The following HIP1R variants were observed in gnomAD, a reference collection of about 807,000 sequenced individuals.
The protein encoded by HIP1R is huntingtin interacting protein 1 related.
Under a neutral mutation model 144.2 loss-of-function variants are expected in HIP1R, and 135 were observed. The ratio of observed to expected loss-of-function variants is 0.94; its 90% CI spans 0.81 to 1.08. The LOEUF is 1.08. HIP1R is among the 50% of genes least tolerant of loss of function. The probability of loss-of-function intolerance (pLI) is 0.00; values close to 1 mark genes in which losing one functional copy is unlikely to be tolerated. For synonymous variants in HIP1R, 698 were observed against 612.8 expected (o/e 1.14, Z -2.05); for missense variants, 1,462 against 1,432.8 (o/e 1.02, Z -0.33).
intron 1 of HIP1R, among the ~76,000 whole-genome samples, chr12:122,839,177 T>C (rs973055953): frequency 2.0e-5 from 3 of 152,222 alleles, no homozygotes; most frequent in African/African-American, 7.2e-5. Flanking sequence ...CTTTGAAGCA[T>C]ATCATGAAGA....
At position 122,835,473 on chromosome 12, in the gene HIP1R, G is replaced by C; in HGVS notation, c.-78G>C. The C allele has an allele frequency of 1.7e-6, 2 of 1,190,930 alleles. No homozygotes were observed. Among genetic ancestry groups the C allele is most frequent in the Non-Finnish European group, 2.1e-6 (2 of 960,492 alleles). The allele number at this position is 1,190,930 out of a possible 1,614,324, so 73.8% of individuals were successfully genotyped here. A position where few individuals can be genotyped will look rare whatever the true frequency, so the allele number is the denominator to read the frequency against. On this transcript the variant is annotated 5_prime_UTR_variant, in exon 1 of 32. Transcript: ENST00000253083. ...GGGCGCGGCGCGGTGGCCTCGCGGT[G>C]CCTAGGCTGGGGCTGCCGGACCGTG...
chr12:122,856,984 C>T (rs575052618), intron 17 of HIP1R, 37 bp from the exon 18 acceptor site: 59 of 1,540,768 alleles, frequency 3.8e-5, no homozygotes, highest in Admixed American at 2.4e-4. Context: ...GGCCTGGGAG[C>T]TCTGTTCACA....
chr12:122,859,622 C>A, intron 23 of HIP1R, 86 bp downstream of exon 23: 1 of 1,342,906 alleles, frequency 7.4e-7, no homozygotes, highest in Non-Finnish European at 1.0e-6. Context: ...AGGCTGCACC[C>A]ACTCCTGCTC....
intron 17 of HIP1R, 21 bp downstream of exon 17, chr12:122,856,747 T>G (rs1473615898): frequency 1.3e-6 from 2 of 1,545,054 alleles, no homozygotes; most frequent in Non-Finnish European, 1.8e-6. Context: ...CTTTGATGAC[T>G]GGAGGTGGGG....
chr12:122,848,415 TG>T, intron 2 of HIP1R, 50 bp from the exon 3 acceptor site: 2 of 1,564,446 alleles, frequency 1.3e-6, no homozygotes, highest in South Asian at 2.4e-5. Context: ...CCGGGTTTGC[TG>T]AGCCCCCGTG....
rs889631839 is a variant in HIP1R at position 122,851,398 on chromosome 12, TCACTATGAAATGACC to T, written c.577+103_577+117del. 3.0e-6 allele frequency: 3 copies of T among 999,298 alleles called. No individual in the cohort carries two copies. In the African/African-American group the frequency reaches 5.1e-5, roughly 17 times the overall value. The allele number at this position is 999,298 out of a possible 1,614,324, so 61.9% of individuals were successfully genotyped here. On this transcript the variant is annotated intron_variant, in intron 7 of 31. Transcript: ENST00000253083. ...AGACATGAGTGATCAGACCAACTGATCACTATGAAATGACCCTGGCCAGCCGCAGTGGCTCACATC... is the reference window on the plus strand; with the variant it reads ...AGACATGAGTGATCAGACCAACTGATCTGGCCAGCCGCAGTGGCTCACATC...
chr12:122,859,913 C>T (rs2135677835), intron 24 of HIP1R, 83 bp downstream of exon 24: 5 of 1,493,092 alleles, frequency 3.3e-6, no homozygotes, highest in East Asian at 4.6e-5. Context: ...CTGTTCTGCT[C>T]ACGGGAAAGG....
chr12:122,837,076 T>C (rs1019582377), intron 1 of HIP1R, among the ~76,000 whole-genome samples: 43 of 152,204 alleles, frequency 2.8e-4, no homozygotes, highest in African/African-American at 1.0e-3. Flanking sequence ...AAAACCTGAA[T>C]TGGCAGACAT....
chr12:122,857,946 C>A (rs2033642638), intron 18 of HIP1R, 156 bp from the exon 19 acceptor site: 2 of 595,044 alleles, frequency 3.4e-6, no homozygotes, highest in Admixed American at 5.7e-5. Context: ...GAGCTGTGCA[C>A]TGTGTGGGAA....
rs761162796 is a variant in HIP1R at position 122,860,038 on chromosome 12, C to T, written c.2466-9C>T. 1.7e-5 allele frequency: 26 copies of T among 1,553,040 alleles called. No individual in the cohort carries two copies. In the African/African-American group the frequency reaches 3.4e-4, roughly 20 times the overall value. On this transcript the variant is annotated splice_polypyrimidine_tract_variant and intron_variant, in intron 24 of 31. Transcript: ENST00000253083. ...GAGCGGCAGCTAAGTCTCTCCTTCT[C>T]TCCCCCAGGATCCTCAACTCCTGCA...
chr12:122,848,937 C>A, intron 4 of HIP1R, 85 bp downstream of exon 4: 1 of 1,407,084 alleles, frequency 7.1e-7, no homozygotes, highest in Non-Finnish European at 1.0e-6. Context: ...TCCCTGTGGG[C>A]AGTTCCCTGC....
Position 122,855,272 on chromosome 12 carries a change from CTA to C in HIP1R, c.861_862del (p.Asn288LeufsTer9), listed in dbSNP as rs1157491010. 2 of 1,612,728 alleles carry C rather than the reference CTA, an allele frequency of 1.2e-6. No individual in the cohort carries two copies. Among genetic ancestry groups the C allele is most frequent in the Non-Finnish European group, 1.7e-6 (2 of 1,179,936 alleles). On this transcript the variant is annotated frameshift_variant, in exon 11 of 32. Coordinates refer to ENST00000253083, the MANE Select transcript of HIP1R (RefSeq NM_003959.3). LOFTEE classifies it high-confidence loss of function. ...CACCTGCCGCCCCTGCAGGGACCCC[CTA>C]ACTTCCTGCGGGCCTCAGCCCTGGC...
chr12:122,854,768 C>G (rs776125096), intron 8 of HIP1R, 137 bp from the exon 9 acceptor site: 11 of 834,444 alleles, frequency 1.3e-5, no homozygotes, highest in Non-Finnish European at 1.9e-5. Flanking sequence ...CTCCCCATCC[C>G]GATGGGAGAG....
intron 7 of HIP1R, among the ~76,000 whole-genome samples, chr12:122,852,785 C>T (rs1347920821): frequency 6.6e-6 from 1 of 152,158 alleles, no homozygotes; most frequent in Non-Finnish European, 1.5e-5. Context: ...ATCTAGAAAA[C>T]ATTCTACTGT....
chr12:122,835,970 CG>C (rs1363704205), intron 1 of HIP1R, among the ~76,000 whole-genome samples: 2 of 150,800 alleles, frequency 1.3e-5, no homozygotes, highest in East Asian at 4.0e-4. Flanking sequence ...GCTGAGGCGG[CG>C]GGGGACGGAG....
At chr12:122,856,814 C>G (rs973371131) in intron 17 of HIP1R, 88 bp downstream of exon 17, 56 of 1,208,666 alleles carry the variant, frequency 4.6e-5, no homozygotes, top group South Asian at 1.5e-4. Context: ...CAGGCCCCAC[C>G]TGGGTGCCAC....
intron 1 of HIP1R, among the ~76,000 whole-genome samples, chr12:122,843,766 A>T (rs1426207225): frequency 6.6e-6 from 1 of 151,932 alleles, no homozygotes; most frequent in Non-Finnish European, 1.5e-5. Context: ...AGCTGACCTC[A>T]CTCTGCTTCT....
At chr12:122,855,434 C>T (rs1313053530) in intron 11 of HIP1R, 29 bp downstream of exon 11, 7 of 1,550,946 alleles carry the variant, frequency 4.5e-6, no homozygotes, top group African/African-American at 1.4e-5. Flanking sequence ...CCGTGTCCCC[C>T]AGTCCTCCAG....
chr12:122,835,929 G>A (rs2032879290), intron 1 of HIP1R, among the ~76,000 whole-genome samples: 1 of 151,134 alleles, frequency 6.6e-6, no homozygotes, highest in African/African-American at 2.4e-5. Context: ...GGGGGCCGGG[G>A]TCAGGGTGTG....
Sources: gnomAD v4.1 joint callset for allele counts (sites outside exome capture counted in the v4.1 genomes callset) on GRCh38, gnomAD v4.1.1 for gene constraint, MANE v1.5 for transcripts, NCBI Gene and HGNC (gene_info 2026-07-23, HGNC 2026-07-21) for gene names.